LHCGR: variants seen among roughly 807,000 people sequenced by gnomAD.
The protein encoded by LHCGR is luteinizing hormone/choriogonadotropin receptor, also known as lutropin-choriogonadotropic hormone receptor.
Under a neutral mutation model 60.7 loss-of-function variants are expected in LHCGR, and 55 were observed. That is an observed-to-expected ratio of 0.91 (90% CI 0.73 to 1.13). The LOEUF is 1.13. Among genes scored for constraint, LHCGR ranks in the 50% most tolerant of loss-of-function variants. The pLI is 0.00. For missense variants in LHCGR, 862 were observed against 836.0 expected, an observed-to-expected ratio of 1.03 and a Z score of -0.38; for synonymous variants, 337 against 316.5, an observed-to-expected ratio of 1.06 and a Z score of -0.69.
chr2:48,717,026 A>G (rs1668278604), intron 6 of LHCGR, among the ~76,000 whole-genome samples: 1 of 152,170 alleles, frequency 6.6e-6, no homozygotes, highest in South Asian at 2.1e-4. Context: ...ATGTCATAGG[A>G]TGATACTGTT....
At chr2:48,709,500 C>T (rs1281787864) in intron 7 of LHCGR, among the ~76,000 whole-genome samples, 1 of 152,046 alleles carries the variant, frequency 6.6e-6, no homozygotes, top group Non-Finnish European at 1.5e-5. Context: ...CAAAGTTATC[C>T]CTTTTGTAGT....
rs1669294328 is a variant in LHCGR at position 48,738,448 on chromosome 2, G to T, written c.162-7150C>A. ...ATTGGTTTCCTGTCACTCCATCGTT[G>T]CTTTCCCCTGACCAATCTAGATTAC... On this transcript the variant is annotated intron_variant, in intron 1 of 10. Coordinates refer to ENST00000294954, the MANE Select transcript of LHCGR (RefSeq NM_000233.4). Among the ~76,000 whole-genome samples, 5 of 152,178 alleles carry T rather than the reference G, an allele frequency of 3.3e-5. No individual in the cohort carries two copies. The South Asian group carries it at 6.2e-4, about 19-fold the overall frequency.
chr2:48,744,975 C>A (rs1669631839), intron 1 of LHCGR, among the ~76,000 whole-genome samples: 2 of 152,094 alleles, frequency 1.3e-5, no homozygotes, highest in Admixed American at 1.3e-4. Context: ...CCACAATCTA[C>A]AATGAACTCA....
chr2:48,751,383 G>A (rs369822085), intron 1 of LHCGR, among the ~76,000 whole-genome samples: 3 of 152,060 alleles, frequency 2.0e-5, no homozygotes, highest in Non-Finnish European at 4.4e-5. Flanking sequence ...TCTCAGCAAC[G>A]AATCTCTAGT....
intron 3 of LHCGR, among the ~76,000 whole-genome samples, chr2:48,728,014 A>T (rs940462394): frequency 1.3e-5 from 2 of 152,170 alleles, no homozygotes; most frequent in Non-Finnish European, 2.9e-5. Flanking sequence ...CACAGTCTGC[A>T]TGCCACATGT....
intron 1 of LHCGR, among the ~76,000 whole-genome samples, chr2:48,737,726 C>G (rs977448981): frequency 2.6e-5 from 4 of 152,176 alleles, no homozygotes; most frequent in Admixed American, 2.0e-4. Context: ...ATATGTTACG[C>G]TTTACACCAG....
chr2:48,708,445 G>C (rs573614346), intron 8 of LHCGR, among the ~76,000 whole-genome samples: 43 of 152,288 alleles, frequency 2.8e-4, no homozygotes, highest in African/African-American at 1.0e-3. Context: ...TTTAGAGATA[G>C]GGTCTTTACA....
At chr2:48,723,971 A>G (rs1384156590) in intron 4 of LHCGR, among the ~76,000 whole-genome samples, 1 of 152,128 alleles carries the variant, frequency 6.6e-6, no homozygotes, top group Non-Finnish European at 1.5e-5. Flanking sequence ...TTTCATTTAT[A>G]TTTGTAGCCT....
chr2:48,730,943 T>C (rs1668959474), intron 2 of LHCGR, among the ~76,000 whole-genome samples: 1 of 152,206 alleles, frequency 6.6e-6, no homozygotes, highest in African/African-American at 2.4e-5. Context: ...ATTTTTATGA[T>C]TGGAATCTAT....
chr2:48,692,645 G>C (rs531203227), intron 10 of LHCGR, among the ~76,000 whole-genome samples: 7 of 152,264 alleles, frequency 4.6e-5, no homozygotes, highest in South Asian at 4.2e-4. Context: ...TAGCACCGCT[G>C]CTCCAGTCAC....
intron 8 of LHCGR, among the ~76,000 whole-genome samples, chr2:48,707,977 C>A (rs1667777950): frequency 6.6e-6 from 1 of 152,200 alleles, no homozygotes; most frequent in African/African-American, 2.4e-5. Context: ...ACCCCTTGTG[C>A]TCCCTGGGTG....
At chr2:48,740,494 T>A (rs1397507461) in intron 1 of LHCGR, among the ~76,000 whole-genome samples, 5 of 152,200 alleles carry the variant, frequency 3.3e-5, no homozygotes, top group Non-Finnish European at 5.9e-5. Flanking sequence ...GCTGGAGATC[T>A]GAGAACAGGC....
At chr2:48,703,412 C>A (rs371969529) in intron 8 of LHCGR, among the ~76,000 whole-genome samples, 9 of 152,168 alleles carry the variant, frequency 5.9e-5, no homozygotes, top group East Asian at 5.8e-4. Context: ...TTAGGTCTTA[C>A]ATTTAAGTCT....
intron 4 of LHCGR, 100 bp from the exon 5 acceptor site, chr2:48,723,796 A>T (rs1668603796): frequency 3.4e-6 from 3 of 875,618 alleles, no homozygotes; most frequent in Non-Finnish European, 5.8e-6. Context: ...CATTTTGCAA[A>T]TACAACTTTC....
At chr2:48,710,371 T>C (rs758379746) in intron 7 of LHCGR, among the ~76,000 whole-genome samples, 1 of 152,224 alleles carries the variant, frequency 6.6e-6, no homozygotes, top group Non-Finnish European at 1.5e-5. Context: ...TTATAAATCA[T>C]TGAAACTGGG....
rs78517107 is a variant in LHCGR at position 48,752,466 on chromosome 2, T to C, written c.161+3045A>G. Among the ~76,000 whole-genome samples the C allele has an allele frequency of 1.0e-3, 158 of 152,250 alleles. 2 individuals are homozygous for C. In the East Asian group the frequency reaches 0.026, roughly 25 times the overall value. On this transcript the variant is annotated intron_variant, in intron 1 of 10. Transcript: ENST00000294954. Reference sequence around the variant, plus strand: ...CTTCTCTCTGCAGAGGCAAAGTCTATGATAATGTAGTGCAAGACCACATCC... The same window carrying C: ...CTTCTCTCTGCAGAGGCAAAGTCTACGATAATGTAGTGCAAGACCACATCC...
intron 7 of LHCGR, 98 bp from the exon 8 acceptor site, chr2:48,709,120 G>A (rs183777597): frequency 2.0e-5 from 18 of 920,340 alleles, no homozygotes; most frequent in African/African-American, 9.7e-5. Flanking sequence ...TGTGCATGAT[G>A]TATAGGGTTA....
At position 48,723,515 on chromosome 2, in the gene LHCGR, T is replaced by G; in HGVS notation, c.477A>C (p.Leu159Phe). The change falls in exon 6 of 11, where the codon TTA (leucine) becomes TTC (phenylalanine). Residue 159 changes from leucine (L) to phenylalanine (F), a missense_variant. Transcript: ENST00000294954. ...CATTTCCTGGTATGGTGGTTATGTG[T>G]AAGTTATCACAAATTTCCCTTGAGG... Reference protein sequence around the residue: ...SNFILEICDNLHITTIPGNAF... With the variant: ...SNFILEICDNFHITTIPGNAF... The G allele has an allele frequency of 1.2e-6, 2 of 1,612,942 alleles. No homozygotes were observed. Among genetic ancestry groups the G allele is most frequent in the Non-Finnish European group, 1.7e-6 (2 of 1,178,962 alleles).
chr2:48,700,034 A>T (rs1572828470), intron 8 of LHCGR, among the ~76,000 whole-genome samples: 1 of 152,252 alleles, frequency 6.6e-6, no homozygotes. Context: ...TGAACTTGAC[A>T]ACATGGAATG....
Sources: allele counts gnomAD v4.1 joint callset (sites outside exome capture counted in the v4.1 genomes callset), GRCh38; gene constraint gnomAD v4.1.1; transcripts MANE v1.5; gene names NCBI Gene and HGNC (gene_info 2026-07-23, HGNC 2026-07-21).